KLHL1: variants seen among roughly 807,000 people sequenced by gnomAD.
KLHL1 encodes the protein kelch-like protein 1.
A neutral mutation model predicts 77.7 loss-of-function variants in KLHL1; 47 were observed. That is an observed-to-expected ratio of 0.60 (90% confidence interval 0.48 to 0.77). The LOEUF (loss-of-function observed/expected upper bound fraction) is 0.77, where lower values mean the gene tolerates loss of function less well. Among genes scored for constraint, KLHL1 ranks in the 30% least tolerant of loss-of-function variants. The probability of loss-of-function intolerance (pLI) is 0.00; values close to 1 mark genes in which losing one functional copy is unlikely to be tolerated. For synonymous variants in KLHL1, 360 were observed against 325.2 expected (o/e 1.11, Z -1.15); for missense variants, 925 against 910.8 (o/e 1.02, Z -0.20).
At chr13:70,002,182 A>G (rs1396772167) in intron 1 of KLHL1, among the ~76,000 whole-genome samples, 1 of 151,644 alleles carries the variant, frequency 6.6e-6, no homozygotes, top group Non-Finnish European at 1.5e-5. Flanking sequence ...TTTATAATGC[A>G]GTTAAAATTA....
intron 1 of KLHL1, among the ~76,000 whole-genome samples, chr13:70,054,582 C>T (rs554676562): frequency 6.6e-6 from 1 of 151,864 alleles, no homozygotes; most frequent in African/African-American, 2.4e-5. Context: ...GTATGAGTGA[C>T]CAACCCCCAA....
At chr13:69,709,473 G>A (rs557361793) in intron 9 of KLHL1, among the ~76,000 whole-genome samples, 4 of 151,948 alleles carry the variant, frequency 2.6e-5, no homozygotes, top group African/African-American at 7.2e-5. Flanking sequence ...AGTTAAATGC[G>A]AGTTAGAAAT....
chr13:69,849,758 C>T (rs961682437), intron 5 of KLHL1, among the ~76,000 whole-genome samples: 1 of 151,290 alleles, frequency 6.6e-6, no homozygotes, highest in Non-Finnish European at 1.5e-5. Context: ...ATTGTTGGTA[C>T]CACTAACAGA....
At position 69,717,481 on chromosome 13, in the gene KLHL1, C is replaced by A. The variant is rs1461899530; in HGVS notation, c.2015+1888G>T. Among the ~76,000 whole-genome samples, 4 of 152,124 alleles carry A rather than the reference C, an allele frequency of 2.6e-5. No individual in the cohort carries two copies. In the East Asian group the frequency reaches 7.7e-4, roughly 29 times the overall value. ...TTACTTAAGCTGCTCATATCCACTG[C>A]ACTCCTATAACTCAAAATAGCCATG... On this transcript the variant is annotated intron_variant, in intron 9 of 10. Coordinates refer to ENST00000377844, the MANE Select transcript of KLHL1 (RefSeq NM_020866.3).
chr13:69,730,267 ATGTGTGTGTGTGTG>A (rs56271435), intron 8 of KLHL1, among the ~76,000 whole-genome samples: 9 of 143,824 alleles, frequency 6.3e-5, no homozygotes, highest in Admixed American at 1.4e-4. Flanking sequence ...TAACACTTTA[ATGTGTGTGTGTGTG>A]TGTGTGTGTG....
chr13:70,048,080 CT>C (rs2051729166), intron 1 of KLHL1, among the ~76,000 whole-genome samples: 2 of 152,168 alleles, frequency 1.3e-5, no homozygotes, highest in African/African-American at 4.8e-5. Context: ...GCATAGGTCA[CT>C]CCAAAATTTG....
intron 3 of KLHL1, among the ~76,000 whole-genome samples, chr13:69,961,047 T>G (rs1884048166): frequency 6.6e-6 from 1 of 152,046 alleles, no homozygotes; most frequent in Non-Finnish European, 1.5e-5. Context: ...GTATCCACCC[T>G]GTTTCTCTCC....
At chr13:69,955,545 G>A (rs935511143) in intron 3 of KLHL1, among the ~76,000 whole-genome samples, 2 of 151,038 alleles carry the variant, frequency 1.3e-5, no homozygotes, top group African/African-American at 4.8e-5. Context: ...TAGTAACTCT[G>A]CAATTCCATC....
At chr13:70,018,801 CAA>C (rs760396928) in intron 1 of KLHL1, among the ~76,000 whole-genome samples, 1 of 151,932 alleles carries the variant, frequency 6.6e-6, no homozygotes, top group Non-Finnish European at 1.5e-5. Context: ...ATGGTTAGAA[CAA>C]AGTTACTTCT....
At chr13:69,831,567 G>A (rs1878762913) in intron 6 of KLHL1, among the ~76,000 whole-genome samples, 1 of 150,062 alleles carries the variant, frequency 6.7e-6, no homozygotes, top group South Asian at 2.1e-4. Context: ...CCAAAAGATA[G>A]AGAAGGAGAG....
intron 2 of KLHL1, 25 bp from the exon 3 acceptor site, chr13:69,961,469 T>C (rs758166968): frequency 1.2e-6 from 2 of 1,611,498 alleles, no homozygotes; most frequent in East Asian, 2.2e-5. Flanking sequence ...GGTTCTAATT[T>C]AGGTCGTGAA....
chr13:69,763,744 GC>G (rs1370530556), intron 7 of KLHL1, among the ~76,000 whole-genome samples: 1 of 152,144 alleles, frequency 6.6e-6, no homozygotes, highest in Non-Finnish European at 1.5e-5. Flanking sequence ...CTTGCACTAG[GC>G]CCCCACAGAC....
chr13:69,755,686 T>A (rs1000608423), intron 7 of KLHL1, among the ~76,000 whole-genome samples: 4 of 151,926 alleles, frequency 2.6e-5, no homozygotes, highest in African/African-American at 9.7e-5. Context: ...AATTACGTAA[T>A]GCATTTCACG....
chr13:69,846,610 G>GA (rs1011872487), intron 5 of KLHL1, among the ~76,000 whole-genome samples: 102 of 151,184 alleles, frequency 6.7e-4, no homozygotes, highest in Non-Finnish European at 1.1e-3. Context: ...ATTTTGGTTA[G>GA]AAAAAAATAT....
intron 5 of KLHL1, among the ~76,000 whole-genome samples, chr13:69,874,466 T>C (rs995292872): frequency 6.6e-6 from 1 of 152,190 alleles, no homozygotes; most frequent in Non-Finnish European, 1.5e-5. Flanking sequence ...AGTAGTTTAA[T>C]TAATTCAGTT....
chr13:69,957,035 G>A (rs1566444205), intron 3 of KLHL1, among the ~76,000 whole-genome samples: 1 of 151,642 alleles, frequency 6.6e-6, no homozygotes, highest in Non-Finnish European at 1.5e-5. Context: ...TGCTTCTGAG[G>A]ATGACGCATG....
chr13:69,947,360 A>G (rs907248979), intron 3 of KLHL1, among the ~76,000 whole-genome samples: 1 of 151,928 alleles, frequency 6.6e-6, no homozygotes, highest in Non-Finnish European at 1.5e-5. Flanking sequence ...ATTTCTTTAT[A>G]TGTGTGTGTA....
At position 70,094,393 on chromosome 13, in the gene KLHL1, T is replaced by TTATATATATATATATATATATATATATA. The variant is rs369471818; in HGVS notation, c.497+12809_497+12810insTATATATATATATATATATATATATATA. Among the ~76,000 whole-genome samples, 812 of 136,510 alleles carry TTATATATATATATATATATATATATATA rather than the reference T, an allele frequency of 5.9e-3. 28 individuals carry two copies. The highest frequency in any genetic ancestry group is 0.021 in the African/African-American group (666 of 31,094). The allele number at this position is 136,510 out of a possible 152,430, so 89.6% of individuals were successfully genotyped here. ...TGAAACAAATACAATGCAATCATCT[T>TTATATATATATATATATATATATATATA]TATATATATATATATATGAATATAT... is the stretch of plus-strand genomic sequence containing the variant. On this transcript the variant is annotated intron_variant, in intron 1 of 10. Transcript: ENST00000377844.
intron 6 of KLHL1, among the ~76,000 whole-genome samples, chr13:69,811,115 A>G (rs934248156): frequency 5.9e-5 from 9 of 151,994 alleles, no homozygotes; most frequent in Non-Finnish European, 1.3e-4. Flanking sequence ...TCCCTAACTC[A>G]TTTTGGGAAA....
Sources: allele counts gnomAD v4.1 joint callset (sites outside exome capture counted in the v4.1 genomes callset), GRCh38; gene constraint gnomAD v4.1.1; transcripts MANE v1.5; gene names NCBI Gene and HGNC (gene_info 2026-07-23, HGNC 2026-07-21).